CFAP65: variants seen among roughly 807,000 people sequenced by gnomAD.
The protein encoded by CFAP65 is cilia and flagella associated protein 65, also known as cilia- and flagella-associated protein 65.
In CFAP65, 155 loss-of-function variants were observed where a neutral mutation model predicts 208.0. The ratio of observed to expected loss-of-function variants is 0.75; its 90% CI spans 0.65 to 0.85. The LOEUF (loss-of-function observed/expected upper bound fraction) is 0.85, where lower values mean the gene tolerates loss of function less well. Among genes scored for constraint, CFAP65 ranks in the 40% least tolerant of loss-of-function variants. The pLI is 0.00. For missense variants in CFAP65, 2,294 were observed against 2,451.3 expected, an observed-to-expected ratio of 0.94 and a Z score of 1.36; for synonymous variants, 970 against 986.3, an observed-to-expected ratio of 0.98 and a Z score of 0.31.
At chr2:219,029,783 G>T in intron 10 of CFAP65, 115 bp from the exon 11 acceptor site, 1 of 1,343,906 alleles carries the variant, frequency 7.4e-7, no homozygotes, top group Non-Finnish European at 1.0e-6. Context: ...GGCAGCCTGA[G>T]CAGAACTCCA....
rs1257632287 is a variant in CFAP65, at chr2:219,021,244, G to T, written c.3167C>A (p.Pro1056His). Residue 1056 changes from proline (P) to histidine (H), a missense_variant, in exon 19 of 35, where the codon CCC (proline) becomes CAC (histidine). Pro to His is a moderately conservative substitution (Grantham distance 77). Transcript: ENST00000341552. ...CAGGCAGATGGTGTCCTGGGACCGG[G>T]GTGGCATGCTCCCCTCTGTTCGGTC... is the stretch of plus-strand genomic sequence containing the variant. Reference protein sequence around the residue: ...QLDRTEGSMPPRSQDTICLTA... With the variant: ...QLDRTEGSMPHRSQDTICLTA... 6.2e-7 allele frequency: 1 copy of T among 1,607,424 alleles called. No individual in the cohort carries two copies. The highest frequency in any genetic ancestry group is 8.5e-7 in the Non-Finnish European group (1 of 1,176,566).
intron 19 of CFAP65, among the ~76,000 whole-genome samples, chr2:219,020,434 C>T (rs359976): frequency 0.018 from 2,710 of 152,162 alleles, 30 homozygotes; most frequent in Non-Finnish European, 0.028. Flanking sequence ...TGGAGAGCAG[C>T]GACACAATCA....
chr2:219,035,403 T>C, intron 5 of CFAP65, 77 bp downstream of exon 5: 2 of 1,613,170 alleles, frequency 1.2e-6, no homozygotes, highest in South Asian at 2.2e-5. Flanking sequence ...TTTTGTTTGT[T>C]TTGTTTTGTT....
intron 16 of CFAP65, 127 bp downstream of exon 16, chr2:219,023,074 TCATCGC>T: frequency 1.4e-6 from 1 of 739,552 alleles, no homozygotes; most frequent in South Asian, 1.5e-5. Context: ...TAATAACACC[TCATCGC>T]CAGGTGGGGG....
At position 219,024,033 on chromosome 2, in the gene CFAP65, A is replaced by G. The variant is rs1277259384; in HGVS notation, c.2577T>C (p.Ala859=). The G allele has an allele frequency of 1.2e-6, 2 of 1,613,588 alleles. No individual in the cohort carries two copies. Among genetic ancestry groups the G allele is most frequent in the African/African-American group, 2.7e-5 (2 of 74,948 alleles). ...CTCCTACCTTGAGATACTGGGGGGA[A>G]GCATTGCACTGCAGATAGAAAGTGT... The part of the protein sequence containing the change: ...KQHTFYLQCN[A]SPQYLKEVSM... The change falls in exon 15 of 35, where the codon GCT becomes GCC. Residue 859 remains alanine, a synonymous_variant. Coordinates refer to ENST00000341552, the MANE Select transcript of CFAP65 (RefSeq NM_194302.4).
In CFAP65 at chr2:219,031,672, C is replaced by T. The variant is rs369918139; in HGVS notation, c.646-14G>A. 11 of 1,588,952 alleles carry T rather than the reference C, an allele frequency of 6.9e-6. No individual in the cohort carries two copies. Among genetic ancestry groups the T allele is most frequent in the Middle Eastern group, 3.4e-4 (2 of 5,958 alleles). ...CATGTACTCCTTCTGCAGTGTGAGG[C>T]GGGGCAGGGGCAGTCACCCATCAGT... On this transcript the variant is annotated splice_polypyrimidine_tract_variant and intron_variant, in intron 6 of 34. Coordinates refer to ENST00000341552, the MANE Select transcript of CFAP65 (RefSeq NM_194302.4). The surrounding 1 kb of genome is among the most constrained non-coding windows in gnomAD (Gnocchi z 5.2).
rs925201744 is a variant in CFAP65, at chr2:219,003,010, G to A, written c.5705C>T (p.Pro1902Leu). 1.3e-6 allele frequency: 2 copies of A among 1,558,492 alleles called. No individual in the cohort carries two copies. The highest frequency in any genetic ancestry group is 1.4e-5 in the African/African-American group (1 of 74,008). Residue 1902 changes from proline to leucine, a missense_variant, in exon 35 of 35, where the codon CCG becomes CTG. By Grantham distance (98) the Pro-to-Leu change is moderately conservative. Coordinates refer to ENST00000341552, the MANE Select transcript of CFAP65 (RefSeq NM_194302.4). The surrounding 1 kb of genome is among the most constrained non-coding windows in gnomAD (Gnocchi z 4.4). ...TTGCTGCGTCGGCAGCAGCGTGTCC[G>A]GGGTCAGACTCCTGGAAGACAAAAA... ...PPFCVPRSLT[P>L]DTLLPTQQAE...
chr2:219,017,428 C>G (rs1389906915), intron 21 of CFAP65, among the ~76,000 whole-genome samples: 1 of 152,208 alleles, frequency 6.6e-6, no homozygotes, highest in East Asian at 1.9e-4. Context: ...CTCTGACAGG[C>G]CTTGGCAGGA....
At position 219,032,442 on chromosome 2, in the gene CFAP65, T is replaced by C. The variant is rs759241402; in HGVS notation, c.645+28A>G. On this transcript the variant is annotated intron_variant, in intron 6 of 34. Transcript: ENST00000341552. This position sits in a 1 kb window ranked among gnomAD's most constrained non-coding sequence, Gnocchi z 5.5. ...AGGTCACTGCTCCCAGGTACCTCCCTGCCCTCACTCGCTGTGGCAGACCTT... is the reference window on the plus strand; with the variant it reads ...AGGTCACTGCTCCCAGGTACCTCCCCGCCCTCACTCGCTGTGGCAGACCTT... 5 of 1,552,934 alleles carry C rather than the reference T, an allele frequency of 3.2e-6. No homozygotes were observed. The East Asian group carries it at 1.2e-4, about 37-fold the overall frequency.
At chr2:219,005,994 G>C (rs755040009) in intron 31 of CFAP65, 27 bp downstream of exon 31, 1 of 1,607,734 alleles carries the variant, frequency 6.2e-7, no homozygotes, top group Non-Finnish European at 8.5e-7. Context: ...GAAGAGGAAG[G>C]TGACCCCTGC....
intron 13 of CFAP65, chr2:219,027,054 C>A: frequency 9.9e-7 from 1 of 1,013,074 alleles, no homozygotes; most frequent in Non-Finnish European, 1.2e-6. Flanking sequence ...CTCTGGGCCC[C>A]AAGACCTTGG....
rs764899396 is a variant in CFAP65 at position 219,032,545 on chromosome 2, C to A, written c.570G>T (p.Thr190=). 6.2e-7 allele frequency: 1 copy of A among 1,605,572 alleles called. No individual in the cohort carries two copies. Among genetic ancestry groups the A allele is most frequent in the East Asian group, 2.2e-5 (1 of 44,556 alleles). The part of the protein sequence containing the change: ...YRPPKTKFFF[T]VIPQPIFLSP... The stretch of plus-strand genomic sequence containing the variant: ...TCAGGAAGATGGGCTGAGGGATGAC[C>A]GTGAAGAAGAACTTGGTCTTGGGGG... Residue 190 remains threonine (T), a synonymous_variant, in exon 6 of 35, where the codon ACG becomes ACT. Transcript: ENST00000341552. The surrounding 1 kb of genome is among the most constrained non-coding windows in gnomAD (Gnocchi z 5.5).
In CFAP65 at chr2:219,010,100, C is replaced by A. The variant is rs545089251; in HGVS notation, c.4309-15G>T. On this transcript the variant is annotated splice_polypyrimidine_tract_variant and intron_variant, in intron 26 of 34. Coordinates refer to ENST00000341552, the MANE Select transcript of CFAP65 (RefSeq NM_194302.4). Reference sequence around the variant, plus strand: ...AGGAAGACATTCTGTGGGTGGAGAGCGGAGGTAAAGAAATAAGAACCGGCC... The same window carrying A: ...AGGAAGACATTCTGTGGGTGGAGAGAGGAGGTAAAGAAATAAGAACCGGCC... 1.9e-6 allele frequency: 3 copies of A among 1,570,510 alleles called. No homozygotes were observed. The East Asian group carries it at 6.9e-5, about 36-fold the overall frequency.
rs1478623373 is a variant in CFAP65, at chr2:219,021,276, C to T, written c.3135G>A (p.Leu1045=). 1 of 1,588,200 alleles carries T rather than the reference C, an allele frequency of 6.3e-7. No homozygotes were observed. The highest frequency in any genetic ancestry group is 8.6e-7 in the Non-Finnish European group (1 of 1,166,734). Residue 1045 remains leucine (L), a synonymous_variant, in exon 19 of 35, where the codon CTG becomes CTA. Transcript: ENST00000341552. Reference sequence around the variant, plus strand: ...TGCTCCCCTCTGTTCGGTCCAGCTGCAGAGCTGCTCAGGGATGATGCCGGA... The same window carrying T: ...TGCTCCCCTCTGTTCGGTCCAGCTGTAGAGCTGCTCAGGGATGATGCCGGA... ...PEAVDNHPLA[L]QLDRTEGSMP...
At chr2:219,005,909 G>T in intron 31 of CFAP65, 112 bp downstream of exon 31, 2 of 1,091,844 alleles carry the variant, frequency 1.8e-6, no homozygotes, top group Non-Finnish European at 2.7e-6. Flanking sequence ...CCCCACTGCT[G>T]CTGCCCATGC....
intron 24 of CFAP65, among the ~76,000 whole-genome samples, chr2:219,011,488 G>T (rs764368491): frequency 1.2e-4 from 18 of 151,874 alleles, no homozygotes; most frequent in Non-Finnish European, 2.2e-4. Flanking sequence ...CACTGTGTTG[G>T]CCAGGCTGGT....
chr2:219,031,190 T>C lies in CFAP65; in HGVS notation c.931A>G (p.Thr311Ala), dbSNP rs1375589350. ...SQIKVTFQPL[T>A]AVIYEVQATC... ...GCCTGCACCTCGTAGATGACGGCTG[T>C]AAGGGGCTGAAAGGTCACCTTGATC... Residue 311 changes from threonine to alanine, a missense_variant, in exon 8 of 35, where the codon ACA becomes GCA. Around this residue, in one of 2 missense-constraint regions of CFAP65, gnomAD observed 867 missense variants for 1,012.6 expected, o/e 0.86. Transcript: ENST00000341552. This position sits in a 1 kb window ranked among gnomAD's most constrained non-coding sequence, Gnocchi z 5.2. 22 of 1,612,926 alleles carry C rather than the reference T, an allele frequency of 1.4e-5. No individual in the cohort carries two copies. Among genetic ancestry groups the C allele is most frequent in the Non-Finnish European group, 1.9e-5 (22 of 1,179,670 alleles).
chr2:219,019,566 C>T lies in CFAP65; in HGVS notation c.3413G>A (p.Ser1138Asn), dbSNP rs747655702. 6.2e-7 allele frequency: 1 copy of T among 1,613,702 alleles called. No individual in the cohort carries two copies. The highest frequency in any genetic ancestry group is 2.2e-5 in the East Asian group (1 of 44,886). Residue 1138 changes from serine (S) to asparagine (N), a missense_variant, in exon 20 of 35, where the codon AGT (serine) becomes AAT (asparagine). Ser to Asn is a conservative substitution (Grantham distance 46, BLOSUM62 1). This residue lies in a region of CFAP65 where 1,427 missense variants were observed against 1,438.7 expected (regional missense o/e 0.99). Transcript: ENST00000341552. ...WRLFSLDLLN[S>N]YLERDPTPCE... ...GGGGGTGGGGTCACGCTCCAAGTAA[C>T]TGTTAAGCAGGTCCAGAGAGAAGAG...
chr2:219,035,298 C>T (rs776509110), intron 5 of CFAP65, 182 bp downstream of exon 5: 2 of 1,518,606 alleles, frequency 1.3e-6, no homozygotes, highest in East Asian at 2.5e-5. Flanking sequence ...GGACACTATA[C>T]CACAATGAAA....
Sources: gnomAD v4.1 joint callset for allele counts (sites outside exome capture counted in the v4.1 genomes callset) on GRCh38, gnomAD v4.1.1 for gene constraint, gnomAD v4.1.1 regional missense constraint, Gnocchi (gnomAD v3.1) non-coding constraint, MANE v1.5 for transcripts, NCBI Gene and HGNC (gene_info 2026-07-23, HGNC 2026-07-21) for gene names.